TENM1: variants seen among roughly 807,000 people sequenced by gnomAD.
The protein encoded by TENM1 is teneurin transmembrane protein 1.
A neutral mutation model predicts 174.8 loss-of-function variants in TENM1; 35 were observed. The observed-to-expected ratio is 0.20, with a 90% CI of 0.15 to 0.27. The LOEUF (loss-of-function observed/expected upper bound fraction) is 0.27. Ranked by LOEUF, TENM1 falls within the 10% of genes least tolerant of loss-of-function variation. TENM1 has a pLI of 1.00. For synonymous variants in TENM1, 781 were observed against 798.7 expected, an observed-to-expected ratio of 0.98 and a Z score of 0.37; for missense variants, 1,633 against 2,130.1, an observed-to-expected ratio of 0.77 and a Z score of 4.59.
At chrX:124,731,517 T>A (rs1298146677) in intron 4 of TENM1, among the ~76,000 whole-genome samples, 2 of 111,739 alleles carry the variant, frequency 1.8e-5, no homozygotes, top group African/African-American at 6.5e-5. Flanking sequence ...GTGGTTGAAG[T>A]GTGACAGGAG....
At chrX:125,182,423 A>C in the TENM1 span, among the ~76,000 whole-genome samples, 1 of 79,353 alleles carries the variant, frequency 1.3e-5, no homozygotes, top group Non-Finnish European at 2.2e-5. Flanking sequence ...CAGGTTTCAG[A>C]GATTAGGACA....
intron 3 of TENM1, among the ~76,000 whole-genome samples, chrX:124,819,800 C>CT (rs201506826): frequency 0.012 from 1,243 of 102,333 alleles, 9 homozygotes; most frequent in African/African-American, 0.033. Flanking sequence ...CTTTCCTTTC[C>CT]TTTTTTTTTT....
At chrX:125,068,266 T>C in the TENM1 span, among the ~76,000 whole-genome samples, 2 of 111,003 alleles carry the variant, frequency 1.8e-5, no homozygotes, top group Non-Finnish European at 3.8e-5. Context: ...CTCCATGAGA[T>C]ATGGAAAAAA....
intron 11 of TENM1, among the ~76,000 whole-genome samples, chrX:124,600,940 T>C (rs2050012664): frequency 8.9e-6 from 1 of 112,087 alleles, no homozygotes; most frequent in Admixed American, 9.5e-5. Context: ...ATTAGTAATG[T>C]ATGAATGTGA....
chrX:124,952,380 G>T (rs754343146), intron 1 of TENM1, among the ~76,000 whole-genome samples: 1 of 108,440 alleles, frequency 9.2e-6, no homozygotes, highest in African/African-American at 3.4e-5. Context: ...ATGTGCATCT[G>T]ATTACTAAAT....
intron 1 of TENM1, among the ~76,000 whole-genome samples, chrX:124,922,256 G>A (rs144568754): frequency 0.013 from 1,389 of 110,975 alleles, 15 homozygotes; most frequent in African/African-American, 0.043. Context: ...TAGCTTCCAC[G>A]ATATAGATGA....
intron 11 of TENM1, among the ~76,000 whole-genome samples, chrX:124,607,653 GTCACCTTTAAC>G (rs2050191356): frequency 9.1e-6 from 1 of 110,094 alleles, no homozygotes; most frequent in African/African-American, 3.3e-5. Context: ...TAGTGAGGAA[GTCACCTTTAAC>G]TCTGAGTGAA....
intron 3 of TENM1, among the ~76,000 whole-genome samples, chrX:124,886,132 G>A (rs1377767618): frequency 9.0e-6 from 1 of 111,343 alleles, no homozygotes; most frequent in Admixed American, 9.6e-5. Context: ...GGTGAATATA[G>A]GCTCAGCCAT....
At chrX:124,589,248 C>G (rs751949795) in intron 11 of TENM1, among the ~76,000 whole-genome samples, 10 of 110,751 alleles carry the variant, frequency 9.0e-5, no homozygotes, top group South Asian at 3.8e-4. Context: ...ATGAAGCCTA[C>G]TTGATTGTGG....
intron 23 of TENM1, among the ~76,000 whole-genome samples, chrX:124,425,724 T>C (rs1455109489): frequency 8.9e-6 from 1 of 111,988 alleles, no homozygotes; most frequent in Non-Finnish European, 1.9e-5. Context: ...GGGAAGCACA[T>C]GTCCAGTTTT....
rs1365147840 is a variant in TENM1 at position 124,588,220 on chromosome X, T to C, written c.2078-22660A>G. Reference sequence around the variant, plus strand: ...ATACCCAAAGGACTATAAATCATGCTGCTATAAAGACACATGCACACGTAT... The same window carrying C: ...ATACCCAAAGGACTATAAATCATGCCGCTATAAAGACACATGCACACGTAT... On this transcript the variant is annotated intron_variant, in intron 11 of 31. Transcript: ENST00000422452. Among the ~76,000 whole-genome samples the C allele has an allele frequency of 9.9e-5, 11 of 111,500 alleles. No individual in the cohort carries two copies. The South Asian group carries it at 4.2e-3, about 42-fold the overall frequency.
At chrX:124,442,830 G>A (rs1166880460) in intron 23 of TENM1, among the ~76,000 whole-genome samples, 1 of 109,870 alleles carries the variant, frequency 9.1e-6, no homozygotes, top group Non-Finnish European at 1.9e-5. Flanking sequence ...CCCGACTAAT[G>A]TTTGTATTTT....
chrX:124,565,637 T>G, intron 11 of TENM1, 77 bp from the exon 15 acceptor site: 1 of 651,852 alleles, frequency 1.5e-6, no homozygotes, highest in Non-Finnish European at 2.1e-6. Context: ...ACATTATAAT[T>G]ACCAAAAATC....
At chrX:125,128,310 A>G in the TENM1 span, among the ~76,000 whole-genome samples, 2 of 111,936 alleles carry the variant, frequency 1.8e-5, no homozygotes. Flanking sequence ...CTGAGTTTCA[A>G]TTTAAATTAC....
chrX:125,052,966 T>C, the TENM1 span, among the ~76,000 whole-genome samples: 2 of 112,302 alleles, frequency 1.8e-5, no homozygotes, highest in Non-Finnish European at 1.9e-5. Context: ...GATGTACATA[T>C]TGTGAAATGA....
the TENM1 span, among the ~76,000 whole-genome samples, chrX:125,026,708 G>T: frequency 3.6e-5 from 4 of 111,744 alleles, no homozygotes; most frequent in African/African-American, 1.3e-4. Flanking sequence ...TCCAAAAAAT[G>T]AAAGGCTGCT....
chrX:124,424,772 T>C (rs148753920), intron 23 of TENM1, among the ~76,000 whole-genome samples: 204 of 111,005 alleles, frequency 1.8e-3, no homozygotes, highest in Middle Eastern at 9.3e-3. Flanking sequence ...TAGTGAGTTC[T>C]CATGAGACGG....
intron 1 of TENM1, among the ~76,000 whole-genome samples, chrX:124,896,604 G>A (rs1180907560): frequency 1.8e-5 from 2 of 111,681 alleles, no homozygotes; most frequent in African/African-American, 6.5e-5. Context: ...TATATGATCT[G>A]CAGAGTGTAC....
At chrX:125,066,470 G>C in the TENM1 span, among the ~76,000 whole-genome samples, 1 of 111,308 alleles carries the variant, frequency 9.0e-6, no homozygotes, top group African/African-American at 3.3e-5. Context: ...ACACTGCAGA[G>C]GGGATATCTT....
Sources: gnomAD v4.1 joint callset for allele counts (sites outside exome capture counted in the v4.1 genomes callset) on GRCh38, gnomAD v4.1.1 for gene constraint, MANE v1.5 for transcripts, NCBI Gene and HGNC (gene_info 2026-07-23, HGNC 2026-07-21) for gene names.